The following ADNP variants were observed in gnomAD, a reference collection of about 807,000 sequenced individuals.
ADNP encodes the protein activity-dependent neuroprotector homeobox protein.
In ADNP, 4 loss-of-function variants were observed where a neutral mutation model predicts 84.9. The ratio of observed to expected loss-of-function variants is 0.05; its 90% CI spans 0.02 to 0.11. The LOEUF is 0.11. ADNP is among the 10% of genes least tolerant of loss of function. ADNP has a pLI of 1.00. For synonymous variants in ADNP, 554 were observed against 468.1 expected (o/e 1.18, Z -2.37); for missense variants, 1,132 against 1,326.0 (o/e 0.85, Z 2.27).
At chr20:50,895,087 A>G (rs1477145853) in intron 5 of ADNP, among the ~76,000 whole-genome samples, 4 of 152,276 alleles carry the variant, frequency 2.6e-5, no homozygotes, top group Non-Finnish European at 5.9e-5. Context: ...ACTTGAAGAT[A>G]AACATTTTGC....
intron 2 of ADNP, among the ~76,000 whole-genome samples, chr20:50,926,141 C>CT (rs1420740169): frequency 2.6e-5 from 4 of 152,256 alleles, no homozygotes; most frequent in Admixed American, 6.5e-5. Context: ...GGAGGAAAAA[C>CT]TTTAAGTTTA....
chr20:50,918,183 C>T (rs1983659934), intron 2 of ADNP, among the ~76,000 whole-genome samples: 1 of 151,746 alleles, frequency 6.6e-6, no homozygotes, highest in Non-Finnish European at 1.5e-5. Flanking sequence ...TTTAAAGTGG[C>T]TACTGGGAAA....
At chr20:50,923,155 TCA>T (rs1568744845) in intron 2 of ADNP, among the ~76,000 whole-genome samples, 1 of 152,164 alleles carries the variant, frequency 6.6e-6, no homozygotes, top group African/African-American at 2.4e-5. Context: ...CCAGTATGTA[TCA>T]CAACACCACA....
In ADNP at chr20:50,891,438, T is replaced by C; in HGVS notation, c.3276A>G (p.Leu1092=). The change falls in exon 6 of 6, where the codon TTA becomes TTG. Residue 1092 remains leucine, a synonymous_variant. Coordinates refer to ENST00000621696, the MANE Select transcript of ADNP (RefSeq NM_001282531.3). ...DGVAEPMHGS[L]AGVKLSSQQA ...GTTGGCTGCTCAGTTTAACTCCGGCTAAGCTGCCATGCATGGGCTCAGCTA... is the reference window on the plus strand; with the variant it reads ...GTTGGCTGCTCAGTTTAACTCCGGCCAAGCTGCCATGCATGGGCTCAGCTA... 1 of 1,611,776 alleles carries C rather than the reference T, an allele frequency of 6.2e-7. No individual in the cohort carries two copies. The highest frequency in any genetic ancestry group is 8.5e-7 in the Non-Finnish European group (1 of 1,179,490).
Position 50,891,406 on chromosome 20 carries a change from T to C in ADNP, c.3308A>G (p.Ter1103=), listed in dbSNP as rs1293928613. 1 of 1,597,014 alleles carries C rather than the reference T, an allele frequency of 6.3e-7. No homozygotes were observed. Among genetic ancestry groups the C allele is most frequent in the Admixed American group, 1.7e-5 (1 of 58,350 alleles). The change falls in exon 6 of 6, where the codon TAA becomes TGA. Residue 1103 remains the stop codon, a stop_retained_variant. Coordinates refer to ENST00000621696, the MANE Select transcript of ADNP (RefSeq NM_001282531.3). ...CACCAACGCCAGGGAACCTGGCACT[T>C]AGGCCTGTTGGCTGCTCAGTTTAAC... ...AGVKLSSQQA[*]
intron 2 of ADNP, among the ~76,000 whole-genome samples, chr20:50,906,321 G>A (rs539757766): frequency 6.6e-6 from 1 of 152,334 alleles, no homozygotes; most frequent in South Asian, 2.1e-4. Flanking sequence ...GGCTAATTCT[G>A]AAGAAACCAG....
intron 2 of ADNP, among the ~76,000 whole-genome samples, chr20:50,923,160 ACAC>A (rs1207649548): frequency 6.6e-6 from 1 of 152,216 alleles, no homozygotes; most frequent in African/African-American, 2.4e-5. Flanking sequence ...ATGTATCACA[ACAC>A]CACAAGAGGA....
chr20:50,918,449 T>C (rs1983680673), intron 2 of ADNP, among the ~76,000 whole-genome samples: 1 of 152,174 alleles, frequency 6.6e-6, no homozygotes, highest in African/African-American at 2.4e-5. Context: ...ATATGAGTGG[T>C]AATACATTAA....
rs746393577 is a variant in ADNP at position 50,903,392 on chromosome 20, G to A, written c.108+497C>T. Among the ~76,000 whole-genome samples the A allele has an allele frequency of 6.6e-4, 100 of 152,274 alleles. 1 individual carries two copies. Among genetic ancestry groups the A allele is most frequent in the Non-Finnish European group, 9.3e-4 (63 of 68,024 alleles). ...TGATGGGTCAAAAGGGGCAACAAAT[G>A]CTCAAATCCTAAGGAAAGAGACAAC... is the stretch of plus-strand genomic sequence containing the variant. On this transcript the variant is annotated intron_variant, in intron 4 of 5. Transcript: ENST00000621696.
intron 5 of ADNP, among the ~76,000 whole-genome samples, chr20:50,900,813 A>G (rs1191200780): frequency 1.3e-5 from 2 of 152,216 alleles, no homozygotes; most frequent in Non-Finnish European, 2.9e-5. Context: ...GTGTAGTATC[A>G]GATTCAGCGC....
In ADNP at chr20:50,918,979, TA is replaced by T. The variant is rs1983721572; in HGVS notation, c.-90+9671del. 5.3e-5 allele frequency among the ~76,000 whole-genome samples: 8 copies of T among 152,310 alleles called. No homozygotes were observed. The South Asian group carries it at 1.7e-3, about 32-fold the overall frequency. On this transcript the variant is annotated intron_variant, in intron 2 of 5. Transcript: ENST00000621696. Reference sequence around the variant, plus strand: ...CAAAAATTATAATCACACTGTGACTTAAAAGTTTTATTTATTTTAAAAGTTC... The same window carrying T: ...CAAAAATTATAATCACACTGTGACTTAAAGTTTTATTTATTTTAAAAGTTC...
rs114126151 is a variant in ADNP at position 50,915,821 on chromosome 20, A to G, written c.-89-10972T>C. On this transcript the variant is annotated intron_variant, in intron 2 of 5. Coordinates refer to ENST00000621696, the MANE Select transcript of ADNP (RefSeq NM_001282531.3). ...GTGAGGGAATTAGAGAACCAGGAAGATAAGAAAGAAAACTACTTTGCAAAT... is the reference window on the plus strand; with the variant it reads ...GTGAGGGAATTAGAGAACCAGGAAGGTAAGAAAGAAAACTACTTTGCAAAT... Among the ~76,000 whole-genome samples the G allele has an allele frequency of 5.0e-3, 767 of 152,366 alleles. 4 individuals are homozygous for G. The highest frequency in any genetic ancestry group is 0.017 in the African/African-American group (726 of 41,578).
At chr20:50,906,005 G>A (rs1009271633) in intron 2 of ADNP, among the ~76,000 whole-genome samples, 4 of 152,300 alleles carry the variant, frequency 2.6e-5, no homozygotes, top group African/African-American at 9.6e-5. Context: ...GAGGTCAAGA[G>A]ATCGAGACCA....
intron 2 of ADNP, among the ~76,000 whole-genome samples, chr20:50,917,496 T>C (rs1983604722): frequency 6.6e-6 from 1 of 152,244 alleles, no homozygotes; most frequent in African/African-American, 2.4e-5. Flanking sequence ...CTTGGTATTC[T>C]TAAATAACAG....
chr20:50,907,046 C>A (rs1600963836), intron 2 of ADNP, among the ~76,000 whole-genome samples: 2 of 146,972 alleles, frequency 1.4e-5, no homozygotes, highest in Admixed American at 7.0e-5. Flanking sequence ...TGGCTCACTG[C>A]AAGCTCCGCC....
intron 2 of ADNP, chr20:50,914,549 T>C: frequency 4.4e-6 from 1 of 229,720 alleles, no homozygotes; most frequent in Middle Eastern, 1.6e-3. Context: ...GCTGAGGTTC[T>C]TATTCTAAAC....
Position 50,891,375 on chromosome 20 carries a change from G to A in ADNP, c.*30C>T, listed in dbSNP as rs999160748. On this transcript the variant is annotated 3_prime_UTR_variant, in exon 6 of 6. Transcript: ENST00000621696. ...CTGGATATCAGAGTTCCAGGCTGCA[G>A]CATGTCACCAACGCCAGGGAACCTG... 6.4e-6 allele frequency: 10 copies of A among 1,557,578 alleles called. No individual in the cohort carries two copies. In the African/African-American group the frequency reaches 1.2e-4, roughly 19 times the overall value.
At chr20:50,894,641 TC>T in intron 5 of ADNP, 129 bp from the exon 6 acceptor site, 1 of 1,009,302 alleles carries the variant, frequency 9.9e-7, no homozygotes, top group Non-Finnish European at 1.4e-6. Flanking sequence ...ACGCCTGTAA[TC>T]CCAGCACTTT....
chr20:50,928,931 G>A (rs896619211), intron 1 of ADNP, 106 bp from the exon 2 acceptor site: 2 of 152,210 alleles, frequency 1.3e-5, no homozygotes, highest in African/African-American at 2.4e-5. Context: ...GTGGTTGGCT[G>A]CTGAGATAAT....
Sources: allele counts gnomAD v4.1 joint callset (sites outside exome capture counted in the v4.1 genomes callset), GRCh38; gene constraint gnomAD v4.1.1; transcripts MANE v1.5; gene names NCBI Gene and HGNC (gene_info 2026-07-23, HGNC 2026-07-21).